The following TTC23 variants were observed in gnomAD, a reference collection of about 807,000 sequenced individuals.
TTC23 encodes the protein tetratricopeptide repeat domain 23.
A neutral mutation model predicts 55.1 loss-of-function variants in TTC23; 58 were observed. That is an observed-to-expected ratio of 1.05 (90% confidence interval 0.85 to 1.31). The LOEUF (loss-of-function observed/expected upper bound fraction) is 1.31, where lower values mean the gene tolerates loss of function less well. TTC23 is among the 50% of genes most tolerant of loss of function. TTC23 has a pLI of 0.00. For synonymous variants in TTC23, 203 were observed against 199.9 expected (o/e 1.02, Z -0.13); for missense variants, 516 against 534.4 (o/e 0.97, Z 0.34).
At chr15:99,221,953 A>G in intron 5 of TTC23, 89 bp from the exon 6 acceptor site, 2 of 1,447,062 alleles carry the variant, frequency 1.4e-6, no homozygotes, top group Non-Finnish European at 1.9e-6. Context: ...CCTTTGATAA[A>G]TACTGAGTGA....
At chr15:99,239,288 C>T (rs977046827) in intron 3 of TTC23, among the ~76,000 whole-genome samples, 3 of 152,110 alleles carry the variant, frequency 2.0e-5, no homozygotes, top group Non-Finnish European at 1.5e-5. Context: ...AGTTCAAGAC[C>T]ACCCTGGCCA....
intron 3 of TTC23, among the ~76,000 whole-genome samples, chr15:99,239,368 C>A (rs1354151577): frequency 1.3e-5 from 2 of 152,014 alleles, no homozygotes; most frequent in Admixed American, 1.3e-4. Context: ...GCCTGTAGTC[C>A]CAGCTACTCT....
At chr15:99,197,378 A>G (rs983790816) in intron 9 of TTC23, among the ~76,000 whole-genome samples, 1 of 152,110 alleles carries the variant, frequency 6.6e-6, no homozygotes, top group Non-Finnish European at 1.5e-5. Context: ...CTGGGATTAC[A>G]GGTGTGAGCC....
At chr15:99,186,696 A>G (rs898083261) in intron 9 of TTC23, among the ~76,000 whole-genome samples, 1 of 152,126 alleles carries the variant, frequency 6.6e-6, no homozygotes, top group African/African-American at 2.4e-5. Context: ...AAAAACTTCC[A>G]TTTGTAATAG....
intron 10 of TTC23, among the ~76,000 whole-genome samples, chr15:99,167,863 T>C (rs944077752): frequency 1.3e-5 from 2 of 152,222 alleles, no homozygotes; most frequent in African/African-American, 4.8e-5. Flanking sequence ...AAATAGTCCC[T>C]ACTCTGTACC....
intron 9 of TTC23, among the ~76,000 whole-genome samples, chr15:99,180,718 T>C (rs2074032657): frequency 6.6e-6 from 1 of 152,106 alleles, no homozygotes; most frequent in South Asian, 2.1e-4. Flanking sequence ...GTTAGGGAAA[T>C]ATATTTTCCC....
intron 1 of TTC23, among the ~76,000 whole-genome samples, chr15:99,246,717 G>A (rs1156840972): frequency 9.4e-5 from 14 of 148,172 alleles, no homozygotes; most frequent in African/African-American, 3.0e-4. Context: ...TCAGGAGTTC[G>A]AGACCTGCCT....
chr15:99,197,042 C>A (rs1024673902), intron 9 of TTC23, among the ~76,000 whole-genome samples: 5 of 152,126 alleles, frequency 3.3e-5, no homozygotes, highest in African/African-American at 1.2e-4. Context: ...TTTGTAACTG[C>A]CAACTACACT....
intron 10 of TTC23, among the ~76,000 whole-genome samples, chr15:99,163,751 G>A (rs768951392): frequency 5.3e-5 from 8 of 152,166 alleles, no homozygotes; most frequent in Non-Finnish European, 1.0e-4. Context: ...TACACCATCA[G>A]AGAGTTTCCT....
chr15:99,143,318 T>A (rs1329891583), intron 12 of TTC23, among the ~76,000 whole-genome samples: 5 of 152,264 alleles, frequency 3.3e-5, no homozygotes, highest in African/African-American at 4.8e-5. Flanking sequence ...TACTTAAGCA[T>A]TTTTGTGTGA....
intron 12 of TTC23, among the ~76,000 whole-genome samples, chr15:99,143,192 TA>T (rs1256046632): frequency 2.6e-5 from 4 of 152,248 alleles, no homozygotes; most frequent in Non-Finnish European, 5.9e-5. Flanking sequence ...GATAGCTTTT[TA>T]AAACAGCAAA....
At chr15:99,211,305 G>A (rs1484432738) in intron 8 of TTC23, among the ~76,000 whole-genome samples, 1 of 152,130 alleles carries the variant, frequency 6.6e-6, no homozygotes, top group African/African-American at 2.4e-5. Context: ...AACCTGGGAG[G>A]TGGATGTTGC....
intron 3 of TTC23, among the ~76,000 whole-genome samples, chr15:99,239,492 AT>A (rs1261692522): frequency 7.9e-5 from 12 of 152,210 alleles, no homozygotes; most frequent in Non-Finnish European, 1.5e-4. Flanking sequence ...CTCAAAAAAA[AT>A]AAAAATAAAT....
intron 10 of TTC23, among the ~76,000 whole-genome samples, chr15:99,164,471 G>A (rs2071787571): frequency 6.6e-6 from 1 of 152,194 alleles, no homozygotes; most frequent in South Asian, 2.1e-4. Flanking sequence ...TAGCTTCAGG[G>A]TGACACATGA....
In TTC23 at chr15:99,220,457, G is replaced by A. The variant is rs1432179724; in HGVS notation, c.304+1284C>T. On this transcript the variant is annotated intron_variant, in intron 6 of 13. Coordinates refer to ENST00000394132, the MANE Select transcript of TTC23 (RefSeq NM_001288615.3). ...ACTGGCATTGAAAACCTAGGTCTGA[G>A]TCTCAGATCAGCTACTTATTAACAG... 2.6e-5 allele frequency among the ~76,000 whole-genome samples: 4 copies of A among 152,292 alleles called. 1 individual carries two copies. The highest frequency in any genetic ancestry group is 4.1e-4 in the South Asian group (2 of 4,826).
chr15:99,219,171 C>T (rs774495400), intron 6 of TTC23, 123 bp from the exon 7 acceptor site: 37 of 1,080,306 alleles, frequency 3.4e-5, no homozygotes, highest in African/African-American at 1.4e-4. Context: ...CACATGGAGA[C>T]GTATCTGGGC....
chr15:99,222,686 C>G (rs1358333397), intron 5 of TTC23, among the ~76,000 whole-genome samples: 1 of 152,114 alleles, frequency 6.6e-6, no homozygotes, highest in African/African-American at 2.4e-5. Flanking sequence ...ATCCTCAAAG[C>G]AGAGCTGGCA....
intron 12 of TTC23, chr15:99,139,797 C>G: frequency 8.0e-7 from 1 of 1,246,306 alleles, no homozygotes. Context: ...ACATACTCTA[C>G]TTTTATTAAT....
chr15:99,151,572 C>G (rs1390258880), intron 12 of TTC23, among the ~76,000 whole-genome samples: 1 of 152,206 alleles, frequency 6.6e-6, no homozygotes, highest in Non-Finnish European at 1.5e-5. Context: ...CTGCATCCTG[C>G]CGGCGAATCA....
Sources: gnomAD v4.1 joint callset for allele counts (sites outside exome capture counted in the v4.1 genomes callset) on GRCh38, gnomAD v4.1.1 for gene constraint, MANE v1.5 for transcripts, NCBI Gene and HGNC (gene_info 2026-07-23, HGNC 2026-07-21) for gene names.